NPAS2: variants seen among roughly 807,000 people sequenced by gnomAD.
NPAS2 encodes the protein neuronal PAS domain protein 2, also known as neuronal PAS domain-containing protein 2.
NPAS2 carries 23 observed loss-of-function variants against 107.5 expected under a neutral mutation model. The observed-to-expected ratio is 0.21, with a 90% CI of 0.15 to 0.30. The LOEUF (loss-of-function observed/expected upper bound fraction) is 0.30. NPAS2 is among the 10% of genes least tolerant of loss of function. The pLI, the probability that NPAS2 is intolerant of heterozygous loss-of-function variation, is 1.00. For missense variants in NPAS2, 756 were observed against 1,043.3 expected, an observed-to-expected ratio of 0.72 and a Z score of 3.79; for synonymous variants, 403 against 417.5, an observed-to-expected ratio of 0.97 and a Z score of 0.42.
chr2:100,908,614 T>A (rs1682324749), intron 2 of NPAS2, among the ~76,000 whole-genome samples: 1 of 152,186 alleles, frequency 6.6e-6, no homozygotes, highest in Admixed American at 6.5e-5. Context: ...AGCAATTATC[T>A]AACTTTGCCG....
At chr2:100,860,025 C>A (rs763261088) in intron 1 of NPAS2, among the ~76,000 whole-genome samples, 3 of 152,182 alleles carry the variant, frequency 2.0e-5, no homozygotes, top group Non-Finnish European at 2.9e-5. Flanking sequence ...AACACTGATA[C>A]AGTATTTCTT....
Position 100,968,204 on chromosome 2 carries a change from C to T in NPAS2, c.908-77C>T. The T allele has an allele frequency of 6.8e-7, 1 of 1,481,130 alleles. No individual in the cohort carries two copies. The highest frequency in any genetic ancestry group is 9.3e-7 in the Non-Finnish European group (1 of 1,074,450). 91.7% of individuals were successfully genotyped at this position (1,481,130 alleles called of 1,614,324 possible). On this transcript the variant is annotated intron_variant, in intron 10 of 20. Coordinates refer to ENST00000335681, the MANE Select transcript of NPAS2 (RefSeq NM_002518.4). This position sits in a 1 kb window ranked among gnomAD's most constrained non-coding sequence, Gnocchi z 5.3. The stretch of plus-strand genomic sequence containing the variant: ...ATTGTCTTTTTTTTTGAAAGCTTAT[C>T]TTTACAATAACTCTTGGGGAAAAGA...
At chr2:100,990,532 CAG>C (rs1678050328) in intron 18 of NPAS2, 86 bp downstream of exon 18, 1 of 1,399,320 alleles carries the variant, frequency 7.1e-7, no homozygotes. Flanking sequence ...TAGACGGAGG[CAG>C]AGTTCAGACA....
chr2:100,990,709 G>C lies in NPAS2; in HGVS notation c.2019-71G>C. On this transcript the variant is annotated intron_variant, in intron 18 of 20. Coordinates refer to ENST00000335681, the MANE Select transcript of NPAS2 (RefSeq NM_002518.4). ...TAAAGGGTCCAGCCAGGCTGAGCAA[G>C]TGCTGCCACGACCAGTGGGTCTGTG... The C allele has an allele frequency of 3.6e-6, 5 of 1,390,428 alleles. No homozygotes were observed. The South Asian group carries it at 5.8e-5, about 16-fold the overall frequency. 86.1% of individuals were successfully genotyped at this position (1,390,428 alleles called of 1,614,324 possible). A position where few individuals can be genotyped will look rare whatever the true frequency, so the allele number is the denominator to read the frequency against.
intron 1 of NPAS2, among the ~76,000 whole-genome samples, chr2:100,855,283 G>A (rs1486241784): frequency 6.6e-6 from 1 of 152,120 alleles, no homozygotes; most frequent in African/African-American, 2.4e-5. Flanking sequence ...TTGAGTGTTG[G>A]GGGTTTCAGT....
intron 3 of NPAS2, among the ~76,000 whole-genome samples, chr2:100,931,784 A>G (rs1427527119): frequency 1.3e-5 from 2 of 152,150 alleles, no homozygotes; most frequent in African/African-American, 2.4e-5. Flanking sequence ...GCGCCCGGCC[A>G]TAACTCAGCT....
In NPAS2 at chr2:100,820,897, C is replaced by A; in HGVS notation, c.-23+483C>A. ...CCGCGGTCTCTCGGAGTCCCTGGGT[C>A]GGAATTGGTTCCGGGCCGGATTGGG... On this transcript the variant is annotated intron_variant, in intron 1 of 20. Coordinates refer to ENST00000335681, the MANE Select transcript of NPAS2 (RefSeq NM_002518.4). The surrounding 1 kb of genome is among the most constrained non-coding windows in gnomAD (Gnocchi z 5.6). 2.0e-6 allele frequency: 1 copy of A among 492,696 alleles called. No individual in the cohort carries two copies. Among genetic ancestry groups the A allele is most frequent in the Non-Finnish European group, 3.4e-6 (1 of 294,786 alleles). 30.5% of individuals were successfully genotyped at this position (492,696 alleles called of 1,614,324 possible).
At chr2:100,931,247 T>C (rs1384686014) in intron 3 of NPAS2, among the ~76,000 whole-genome samples, 3 of 152,090 alleles carry the variant, frequency 2.0e-5, no homozygotes, top group Non-Finnish European at 4.4e-5. Flanking sequence ...CGGTTTCCTC[T>C]CCTGGGTTTC....
intron 3 of NPAS2, among the ~76,000 whole-genome samples, chr2:100,929,006 C>T (rs1259460139): frequency 4.6e-5 from 7 of 152,178 alleles, no homozygotes; most frequent in African/African-American, 1.2e-4. Flanking sequence ...CAGGTTCAAG[C>T]GATTCTCCTG....
At chr2:100,824,171 G>A (rs1676235157) in intron 1 of NPAS2, among the ~76,000 whole-genome samples, 1 of 152,216 alleles carries the variant, frequency 6.6e-6, no homozygotes, top group African/African-American at 2.4e-5. Context: ...TATGTTCCAT[G>A]TAGTTCACCA....
At chr2:100,918,572 A>G (rs1014562805) in intron 2 of NPAS2, among the ~76,000 whole-genome samples, 2 of 152,176 alleles carry the variant, frequency 1.3e-5, no homozygotes, top group African/African-American at 2.4e-5. Context: ...AGACAACCCA[A>G]TTTTAAAATG....
At chr2:100,931,036 C>T (rs1036204785) in intron 3 of NPAS2, among the ~76,000 whole-genome samples, 2 of 152,254 alleles carry the variant, frequency 1.3e-5, no homozygotes, top group Non-Finnish European at 2.9e-5. Flanking sequence ...GTTTGAAGAA[C>T]TGGGAGTTGC....
intron 1 of NPAS2, among the ~76,000 whole-genome samples, chr2:100,893,728 G>A (rs980733747): frequency 6.6e-6 from 1 of 152,198 alleles, no homozygotes; most frequent in African/African-American, 2.4e-5. Context: ...GACCAAATCT[G>A]GCCCACAACC....
intron 9 of NPAS2, 21 bp downstream of exon 9, chr2:100,964,964 A>G (rs778030068): frequency 3.3e-6 from 5 of 1,514,272 alleles, no homozygotes; most frequent in Non-Finnish European, 4.4e-6. Context: ...AGAAAAACAT[A>G]TTTGGGTTGG....
chr2:100,963,163 C>T lies in NPAS2; in HGVS notation c.599-895C>T, dbSNP rs1676009643. On this transcript the variant is annotated intron_variant, in intron 7 of 20. Transcript: ENST00000335681. ...TCTCCTCAGTGGCCCAGACCCAACCCCTGTATCAGCCTGGGCTCCCAAGGG... is the reference window on the plus strand; with the variant it reads ...TCTCCTCAGTGGCCCAGACCCAACCTCTGTATCAGCCTGGGCTCCCAAGGG... Among the ~76,000 whole-genome samples, 3 of 152,224 alleles carry T rather than the reference C, an allele frequency of 2.0e-5. No homozygotes were observed. The South Asian group carries it at 6.2e-4, about 32-fold the overall frequency.
chr2:100,996,396 TCTG>T lies in NPAS2; in HGVS notation c.*818_*820del, dbSNP rs1678443371. The T allele has an allele frequency of 6.5e-6, 1 of 153,912 alleles. No individual in the cohort carries two copies. The highest frequency in any genetic ancestry group is 6.5e-5 in the Admixed American group (1 of 15,454). The allele number at this position is 153,912 out of a possible 1,614,324, so 9.5% of individuals were successfully genotyped here. A position where few individuals can be genotyped will look rare whatever the true frequency, so the allele number is the denominator to read the frequency against. ...ATCATGCCAGCCAACATTCCAGAAT[TCTG>T]CTGAGAACTCCAAGTCTGTGAGGGG... On this transcript the variant is annotated 3_prime_UTR_variant, in exon 21 of 21. Transcript: ENST00000335681.
chr2:100,819,517 G>A (rs1029385932), upstream of NPAS2, among the ~76,000 whole-genome samples: 9 of 151,536 alleles, frequency 5.9e-5, no homozygotes, highest in Non-Finnish European at 1.2e-4. This position sits in a 1 kb window ranked among gnomAD's most constrained non-coding sequence, Gnocchi z 5.8. Context: ...TTGAGAAATC[G>A]CAGTGGTCCC....
At chr2:100,943,587 A>T (rs1286815765) in intron 5 of NPAS2, among the ~76,000 whole-genome samples, 1 of 152,240 alleles carries the variant, frequency 6.6e-6, no homozygotes, top group Non-Finnish European at 1.5e-5. Context: ...ACACAGGGCC[A>T]CAGGGGGCTG....
intron 15 of NPAS2, among the ~76,000 whole-genome samples, chr2:100,980,909 G>A (rs1306482030): frequency 3.3e-5 from 5 of 152,132 alleles, no homozygotes; most frequent in Admixed American, 1.3e-4. Context: ...TAAGACTTGG[G>A]ATTTACATGT....
Sources: allele counts gnomAD v4.1 joint callset (sites outside exome capture counted in the v4.1 genomes callset), GRCh38; gene constraint gnomAD v4.1.1; non-coding constraint Gnocchi (gnomAD v3.1); transcripts MANE v1.5; gene names NCBI Gene and HGNC (gene_info 2026-07-23, HGNC 2026-07-21).